The following PIK3R3 variants were observed in gnomAD, a reference collection of about 807,000 sequenced individuals.
PIK3R3 encodes the protein phosphoinositide-3-kinase regulatory subunit 3.
A neutral mutation model predicts 62.9 loss-of-function variants in PIK3R3; 64 were observed. The observed-to-expected ratio is 1.02, with a 90% CI of 0.83 to 1.25. PIK3R3 has a LOEUF of 1.25. PIK3R3 is among the 50% of genes most tolerant of loss of function. PIK3R3 has a pLI of 0.00. For synonymous variants in PIK3R3, 165 were observed against 189.0 expected (o/e 0.87, Z 1.04); for missense variants, 614 against 561.6 (o/e 1.09, Z -0.94).
chr1:46,136,087 T>G (rs1023703700), upstream of PIK3R3, among the ~76,000 whole-genome samples: 17 of 149,556 alleles, frequency 1.1e-4, no homozygotes, highest in Admixed American at 2.0e-4. Flanking sequence ...TTTTTTTTTT[T>G]GATCACTAGC....
chr1:46,060,637 T>A (rs1383993110), intron 6 of PIK3R3, among the ~76,000 whole-genome samples: 3 of 152,244 alleles, frequency 2.0e-5, no homozygotes, highest in Non-Finnish European at 4.4e-5. Flanking sequence ...CACCCAAGTT[T>A]ATACAGCTAA....
the PIK3R3 span, among the ~76,000 whole-genome samples, chr1:46,139,742 T>C: frequency 6.6e-6 from 1 of 152,218 alleles, no homozygotes; most frequent in Non-Finnish European, 1.5e-5. Flanking sequence ...CCTCGACTGC[T>C]GAGTATTAAC....
chr1:46,076,037 C>T (rs556390530), intron 3 of PIK3R3, among the ~76,000 whole-genome samples: 1 of 152,144 alleles, frequency 6.6e-6, no homozygotes, highest in South Asian at 2.1e-4. Context: ...TTGTTCTATC[C>T]TCAGCCAATT....
rs1385813467 is a variant in PIK3R3, at chr1:46,132,579, C to G, written c.-627G>C. On this transcript the variant is annotated 5_prime_UTR_variant, in exon 1 of 10. Coordinates refer to ENST00000262741, the MANE Select transcript of PIK3R3 (RefSeq NM_003629.4). ...AGCTCGGCTTGTCTGGGCGCTCCCG[C>G]CGGGGTGTAAGAACCAACCCGACCG... 14 of 1,286,804 alleles carry G rather than the reference C, an allele frequency of 1.1e-5. No homozygotes were observed. Among genetic ancestry groups the G allele is most frequent in the Non-Finnish European group, 1.4e-5 (14 of 987,356 alleles). The allele number at this position is 1,286,804 out of a possible 1,614,324, so 79.7% of individuals were successfully genotyped here.
chr1:46,132,214 A>T lies in PIK3R3; in HGVS notation c.-262T>A, dbSNP rs1655674406. ...TTACACAGAGGCTTGGGGGACGGAG[A>T]GCAGAGGTGTTAAAAAGCGGCTTCC... On this transcript the variant is annotated 5_prime_UTR_variant, in exon 1 of 10. Transcript: ENST00000262741. 1 of 1,218,748 alleles carries T rather than the reference A, an allele frequency of 8.2e-7. No individual in the cohort carries two copies. Among genetic ancestry groups the T allele is most frequent in the Non-Finnish European group, 1.0e-6 (1 of 972,254 alleles). 75.5% of individuals were successfully genotyped at this position (1,218,748 alleles called of 1,614,324 possible). A position where few individuals can be genotyped will look rare whatever the true frequency, so the allele number is the denominator to read the frequency against.
chr1:46,167,111 G>T, the PIK3R3 span, among the ~76,000 whole-genome samples: 1 of 152,394 alleles, frequency 6.6e-6, no homozygotes, highest in East Asian at 1.9e-4. Context: ...ACTCTAGCGG[G>T]GAAGGCACCC....
chr1:46,071,653 G>A (rs926668457), intron 3 of PIK3R3, among the ~76,000 whole-genome samples: 3 of 136,644 alleles, frequency 2.2e-5, no homozygotes, highest in African/African-American at 8.4e-5. Context: ...AAGATTGCGC[G>A]CCATTACACT....
intron 1 of PIK3R3, among the ~76,000 whole-genome samples, chr1:46,120,809 T>A (rs190431256): frequency 6.6e-6 from 1 of 152,262 alleles, no homozygotes; most frequent in African/African-American, 2.4e-5. Context: ...GAAACGTGAT[T>A]AACCTAAGGG....
chr1:46,063,522 T>C (rs1648711529), intron 5 of PIK3R3, among the ~76,000 whole-genome samples: 1 of 152,188 alleles, frequency 6.6e-6, no homozygotes, highest in African/African-American at 2.4e-5. Flanking sequence ...CCCTGGATCT[T>C]CAAAGAAAAC....
the PIK3R3 span, among the ~76,000 whole-genome samples, chr1:46,168,447 C>T: frequency 6.6e-6 from 1 of 152,192 alleles, no homozygotes; most frequent in African/African-American, 2.4e-5. Flanking sequence ...TGTTCCCTCT[C>T]TGGACCTCAG....
chr1:46,103,902 A>G (rs891006046), intron 1 of PIK3R3, among the ~76,000 whole-genome samples: 14 of 149,932 alleles, frequency 9.3e-5, no homozygotes, highest in Middle Eastern at 3.6e-3. Flanking sequence ...CCATGATGGT[A>G]TATTTTATAT....
At chr1:46,104,362 A>G (rs1363431130) in intron 1 of PIK3R3, among the ~76,000 whole-genome samples, 1 of 152,214 alleles carries the variant, frequency 6.6e-6, no homozygotes, top group Non-Finnish European at 1.5e-5. Context: ...ACTTCTTTTC[A>G]AGTCAGTTTT....
intron 1 of PIK3R3, among the ~76,000 whole-genome samples, chr1:46,116,934 T>A (rs1483601076): frequency 6.6e-6 from 1 of 152,150 alleles, no homozygotes; most frequent in Non-Finnish European, 1.5e-5. Flanking sequence ...TATCAATATC[T>A]ATCTATACTC....
At position 46,043,421 on chromosome 1, in the gene PIK3R3, G is replaced by A; in HGVS notation, c.*252C>T. 1 of 495,662 alleles carries A rather than the reference G, an allele frequency of 2.0e-6. No homozygotes were observed. The highest frequency in any genetic ancestry group is 2.2e-5 in the South Asian group (1 of 46,222). The allele number at this position is 495,662 out of a possible 1,614,324, so 30.7% of individuals were successfully genotyped here. ...GGCTAAACAAAACAAAAACCCCAAT[G>A]AAACAGACTTTCAAAAAAAACATCT... On this transcript the variant is annotated 3_prime_UTR_variant, in exon 10 of 10. Transcript: ENST00000262741.
At chr1:46,099,858 T>C (rs976219836) in intron 1 of PIK3R3, among the ~76,000 whole-genome samples, 2 of 152,238 alleles carry the variant, frequency 1.3e-5, no homozygotes, top group Non-Finnish European at 2.9e-5. Flanking sequence ...TTTTCCTTAT[T>C]CTACATCCTC....
At chr1:46,049,491 TCAGG>T (rs1647202749) in intron 7 of PIK3R3, among the ~76,000 whole-genome samples, 1 of 152,194 alleles carries the variant, frequency 6.6e-6, no homozygotes, top group Admixed American at 6.5e-5. Context: ...AAACGGTGCC[TCAGG>T]CACAGGGCAT....
chr1:46,078,529 G>A (rs947614333), intron 2 of PIK3R3, among the ~76,000 whole-genome samples: 1 of 152,056 alleles, frequency 6.6e-6, no homozygotes, highest in African/African-American at 2.4e-5. Context: ...GGGACTGAAC[G>A]AGACTCTATC....
At chr1:46,131,056 C>T (rs1343289094) in intron 1 of PIK3R3, among the ~76,000 whole-genome samples, 1 of 151,804 alleles carries the variant, frequency 6.6e-6, no homozygotes, top group Non-Finnish European at 1.5e-5. Context: ...TATAGGAACA[C>T]ATATGTATAT....
intron 1 of PIK3R3, chr1:46,105,289 G>C (rs1350947101): frequency 3.9e-6 from 1 of 257,498 alleles, no homozygotes; most frequent in African/African-American, 2.2e-5. Flanking sequence ...AGATCACGAG[G>C]TCAAGTTCGA....
Sources: allele counts gnomAD v4.1 joint callset (sites outside exome capture counted in the v4.1 genomes callset), GRCh38; gene constraint gnomAD v4.1.1; transcripts MANE v1.5; gene names NCBI Gene and HGNC (gene_info 2026-07-23, HGNC 2026-07-21).